The following TUBGCP4 variants were observed in gnomAD, a reference collection of about 807,000 sequenced individuals.
The protein encoded by TUBGCP4 is gamma-tubulin complex component 4.
In TUBGCP4, 54 loss-of-function variants were observed where a neutral mutation model predicts 91.6. That is an observed-to-expected ratio of 0.59 (90% CI 0.47 to 0.74). The LOEUF is 0.74. TUBGCP4 is among the 30% of genes least tolerant of loss of function. TUBGCP4 has a pLI of 0.00. For missense variants in TUBGCP4, 593 were observed against 800.9 expected, an observed-to-expected ratio of 0.74 and a Z score of 3.13; for synonymous variants, 297 against 302.8, an observed-to-expected ratio of 0.98 and a Z score of 0.20.
In TUBGCP4 at chr15:43,408,655, A is replaced by G; in HGVS notation, c.*3441A>G. On this transcript the variant is annotated 3_prime_UTR_variant, in exon 18 of 18. Transcript: ENST00000564079. ...TGCTTGCTTAAAACTTAGTTCTCTG[A>G]CTTTACAGGTTGAGAATATTGAACC... 6.0e-6 allele frequency: 3 copies of G among 497,820 alleles called. No individual in the cohort carries two copies. Among genetic ancestry groups the G allele is most frequent in the Non-Finnish European group, 1.1e-5 (3 of 275,160 alleles). 30.8% of individuals were successfully genotyped at this position (497,820 alleles called of 1,614,324 possible).
intron 3 of TUBGCP4, 91 bp downstream of exon 3, chr15:43,376,716 T>TTC: frequency 1.9e-6 from 3 of 1,563,114 alleles, no homozygotes; most frequent in Non-Finnish European, 1.7e-6. Context: ...GATCAGGTAG[T>TTC]TAAGAGTGAG....
chr15:43,405,047 G>T (rs1477065793), intron 17 of TUBGCP4, 155 bp from the exon 18 acceptor site: 5 of 801,072 alleles, frequency 6.2e-6, no homozygotes, highest in Non-Finnish European at 9.9e-6. Flanking sequence ...TCTGCAAGCA[G>T]ATTTTTTTCT....
chr15:43,391,211 T>C (rs887981225), intron 9 of TUBGCP4, among the ~76,000 whole-genome samples: 2 of 151,866 alleles, frequency 1.3e-5, no homozygotes, highest in African/African-American at 4.8e-5. Flanking sequence ...TTTCTTTTTT[T>C]CCCCCAGAGA....
chr15:43,405,017 T>C (rs1017265823), intron 17 of TUBGCP4, 185 bp from the exon 18 acceptor site: 6 of 627,026 alleles, frequency 9.6e-6, no homozygotes, highest in South Asian at 2.3e-5. Context: ...ATCACTTCAT[T>C]GTCCTTTCTC....
rs200092283 is a variant in TUBGCP4, at chr15:43,403,697, G to T, written c.1746G>T (p.Leu582=). ...TTCCCGGGTAGGTGTTTCACTGCCT[G>T]AATGAAATCCTAGATCTCTGTCACA... The part of the protein sequence containing the change: ...FILLKPVFHC[L]NEILDLCHSF... Residue 582 remains leucine, a synonymous_variant, in exon 16 of 18, where the codon CTG becomes CTT. Coordinates refer to ENST00000564079, the MANE Select transcript of TUBGCP4 (RefSeq NM_014444.5). 6.9e-4 allele frequency: 1,108 copies of T among 1,612,466 alleles called. No individual in the cohort carries two copies. The highest frequency in any genetic ancestry group is 8.8e-4 in the Non-Finnish European group (1,039 of 1,179,716).
In TUBGCP4 at chr15:43,408,224, T is replaced by C; in HGVS notation, c.*3010T>C. 3 of 920,592 alleles carry C rather than the reference T, an allele frequency of 3.3e-6. No individual in the cohort carries two copies. Among genetic ancestry groups the C allele is most frequent in the South Asian group, 3.5e-5 (2 of 57,250 alleles). The allele number at this position is 920,592 out of a possible 1,614,324, so 57.0% of individuals were successfully genotyped here. A position where few individuals can be genotyped will look rare whatever the true frequency, so the allele number is the denominator to read the frequency against. The stretch of plus-strand genomic sequence containing the variant: ...CAGACATAGTGTCTCAAGCCTGTAA[T>C]CCCAGCACTTTGGGAGGCTGTCGTG... On this transcript the variant is annotated 3_prime_UTR_variant, in exon 18 of 18. Coordinates refer to ENST00000564079, the MANE Select transcript of TUBGCP4 (RefSeq NM_014444.5).
Position 43,383,387 on chromosome 15 carries a change from ATTC to A in TUBGCP4, c.609_611del (p.Phe204del). Reference sequence around the variant, plus strand: ...GACTCCTCTTGGACCAGCATGAAGAATTCTTTATCAAACAGGGGCCATCTTCTG... The same window carrying A: ...GACTCCTCTTGGACCAGCATGAAGAATTTATCAAACAGGGGCCATCTTCTG... On this transcript the variant is annotated inframe_deletion, in exon 7 of 18. Transcript: ENST00000564079. The A allele has an allele frequency of 6.2e-7, 1 of 1,614,222 alleles. No individual in the cohort carries two copies.
At chr15:43,395,364 T>G in intron 10 of TUBGCP4, 1 of 661,066 alleles carries the variant, frequency 1.5e-6, no homozygotes, top group Non-Finnish European at 2.7e-6. Context: ...GGCATATATA[T>G]ATAATTATGT....
intron 9 of TUBGCP4, among the ~76,000 whole-genome samples, chr15:43,393,813 A>G (rs1037241385): frequency 6.6e-6 from 1 of 152,120 alleles, no homozygotes; most frequent in Non-Finnish European, 1.5e-5. Flanking sequence ...TCCATGGTGT[A>G]TATGTGCCAC....
At chr15:43,381,812 TTC>T (rs772357438) in intron 6 of TUBGCP4, among the ~76,000 whole-genome samples, 46 of 152,194 alleles carry the variant, frequency 3.0e-4, no homozygotes, top group Non-Finnish European at 5.4e-4. Flanking sequence ...CACGTTTGAT[TTC>T]TCTTTTTCTC....
chr15:43,395,644 C>T lies in TUBGCP4; in HGVS notation c.1127C>T (p.Ala376Val), dbSNP rs760596308. 1.4e-5 allele frequency: 22 copies of T among 1,613,996 alleles called. No homozygotes were observed. In the Admixed American group the frequency reaches 3.7e-4, roughly 27 times the overall value. ...CTGTTTCAGGCCTTCATTGACACAG[C>T]TCAACACATGTTGAAAACACCACCC... ...GELFQAFIDT[A>V]QHMLKTPPTA... Residue 376 changes from alanine to valine, a missense_variant, in exon 11 of 18, where the codon GCT (alanine) becomes GTT (valine). Transcript: ENST00000564079.
chr15:43,373,395 T>C (rs1305607432), intron 1 of TUBGCP4, among the ~76,000 whole-genome samples: 1 of 152,234 alleles, frequency 6.6e-6, no homozygotes, highest in Non-Finnish European at 1.5e-5. Flanking sequence ...TTAATAGTAG[T>C]ATCACTTGAT....
Position 43,386,279 on chromosome 15 carries a change from C to G in TUBGCP4, c.963C>G (p.Ser321Arg). The change falls in exon 9 of 18, where the codon AGC becomes AGG. Residue 321 changes from serine (S) to arginine (R), a missense_variant. By Grantham distance (110) the Ser-to-Arg change is moderately radical. Coordinates refer to ENST00000564079, the MANE Select transcript of TUBGCP4 (RefSeq NM_014444.5). ...LHRLKQQPLF[S>R]LVDFEQVVDR... ...GTCTCAAGCAGCAGCCACTCTTCAG[C>G]TTGGTGGACTTTGAACAGGTGGTGG... 6.3e-7 allele frequency: 1 copy of G among 1,581,924 alleles called. No homozygotes were observed. Among genetic ancestry groups the G allele is most frequent in the Non-Finnish European group, 8.6e-7 (1 of 1,167,328 alleles).
At position 43,407,267 on chromosome 15, in the gene TUBGCP4, A is replaced by AAAAC. The variant is rs2044932771; in HGVS notation, c.*2054_*2057dup. 1.4e-5 allele frequency: 12 copies of AAAAC among 837,020 alleles called. No individual in the cohort carries two copies. Among genetic ancestry groups the AAAAC allele is most frequent in the Non-Finnish European group, 2.1e-5 (11 of 533,458 alleles). 51.8% of individuals were successfully genotyped at this position (837,020 alleles called of 1,614,324 possible). A position where few individuals can be genotyped will look rare whatever the true frequency, so the allele number is the denominator to read the frequency against. On this transcript the variant is annotated 3_prime_UTR_variant, in exon 18 of 18. Transcript: ENST00000564079. ...ATTTTATCATAAAAGTTCAGCAAAT[A>AAAAC]AAACTATATACAAGATCCATGCAAG...
rs780863648 is a variant in TUBGCP4, at chr15:43,397,269, C to T, written c.1227C>T (p.Asn409=). ...ACAAGGTATTGCTAGATGATGACAA[C>T]CTTCTCCCTCTGTTGCACTTGACAA... is the stretch of plus-strand genomic sequence containing the variant. ...SAHKVLLDDD[N]LLPLLHLTIE... Residue 409 remains asparagine (N), a synonymous_variant, in exon 12 of 18, where the codon AAC becomes AAT. Coordinates refer to ENST00000564079, the MANE Select transcript of TUBGCP4 (RefSeq NM_014444.5). The T allele has an allele frequency of 1.9e-6, 3 of 1,614,144 alleles. No individual in the cohort carries two copies. The highest frequency in any genetic ancestry group is 2.2e-5 in the South Asian group (2 of 91,078).
At chr15:43,387,228 G>A (rs1039011039) in intron 9 of TUBGCP4, among the ~76,000 whole-genome samples, 2 of 152,200 alleles carry the variant, frequency 1.3e-5, no homozygotes, top group African/African-American at 4.8e-5. Flanking sequence ...TGAGGTCAGT[G>A]CCAGGCCTCC....
rs1034630220 is a variant in TUBGCP4 at position 43,371,131 on chromosome 15, G to A, written c.-224G>A. ...CCGCAGAGCCCGGGCGGGAGTAGCT[G>A]GTGGACCCCGTTGAGCTGCCGAACT... On this transcript the variant is annotated 5_prime_UTR_variant, in exon 1 of 18. Coordinates refer to ENST00000564079, the MANE Select transcript of TUBGCP4 (RefSeq NM_014444.5). 2 of 601,132 alleles carry A rather than the reference G, an allele frequency of 3.3e-6. No individual in the cohort carries two copies. The highest frequency in any genetic ancestry group is 3.0e-6 in the Non-Finnish European group (1 of 334,618). 37.2% of individuals were successfully genotyped at this position (601,132 alleles called of 1,614,324 possible). A position where few individuals can be genotyped will look rare whatever the true frequency, so the allele number is the denominator to read the frequency against.
intron 13 of TUBGCP4, 63 bp from the exon 14 acceptor site, chr15:43,399,981 T>C (rs2044642478): frequency 7.2e-7 from 1 of 1,393,642 alleles, no homozygotes; most frequent in Non-Finnish European, 9.9e-7. Context: ...CTAGAGTCTG[T>C]CGTGTGGGGG....
chr15:43,407,471 T>C lies in TUBGCP4; in HGVS notation c.*2257T>C, dbSNP rs1339621020. ...AATGAGGCACTGGATCACCCACTCT[T>C]GTGACACCACAGGCAGCTGCAATGC... On this transcript the variant is annotated 3_prime_UTR_variant, in exon 18 of 18. Transcript: ENST00000564079. 6.2e-7 allele frequency: 1 copy of C among 1,614,110 alleles called. No individual in the cohort carries two copies. Among genetic ancestry groups the C allele is most frequent in the Non-Finnish European group, 8.5e-7 (1 of 1,180,050 alleles).
Sources: allele counts gnomAD v4.1 joint callset (sites outside exome capture counted in the v4.1 genomes callset), GRCh38; gene constraint gnomAD v4.1.1; transcripts MANE v1.5; gene names NCBI Gene and HGNC (gene_info 2026-07-23, HGNC 2026-07-21).